The following SAMD5 variants were observed in gnomAD, a reference collection of about 807,000 sequenced individuals.
SAMD5 encodes the protein sterile alpha motif domain-containing protein 5.
A neutral mutation model predicts 11.3 loss-of-function variants in SAMD5; 13 were observed. The observed-to-expected ratio is 1.15, with a 90% CI of 0.75 to 1.83. The LOEUF (loss-of-function observed/expected upper bound fraction) is 1.83, where lower values mean the gene tolerates loss of function less well. Among genes scored for constraint, SAMD5 ranks in the 40% most tolerant of loss-of-function variants. SAMD5 has a pLI of 0.00. For missense variants in SAMD5, 255 were observed against 239.1 expected (o/e 1.07, Z -0.44); for synonymous variants, 129 against 111.3 (o/e 1.16, Z -1.00).
the SAMD5 span, among the ~76,000 whole-genome samples, chr6:147,784,913 T>C: frequency 3.9e-5 from 6 of 152,176 alleles, no homozygotes; most frequent in African/African-American, 1.4e-4. Flanking sequence ...AGTGAAAGCT[T>C]CCTTTTTAAC....
the SAMD5 span, among the ~76,000 whole-genome samples, chr6:147,940,562 C>T: frequency 1.3e-5 from 2 of 152,134 alleles, no homozygotes; most frequent in African/African-American, 2.4e-5. Context: ...CCTGAAAAGT[C>T]TACTAGGAAA....
chr6:147,534,413 C>CTT (rs1246963297), intron 1 of SAMD5, among the ~76,000 whole-genome samples: 2 of 152,164 alleles, frequency 1.3e-5, no homozygotes, highest in Non-Finnish European at 2.9e-5. Flanking sequence ...CACCCAAGGG[C>CTT]TTTACCTTGC....
chr6:147,857,549 G>A, the SAMD5 span, among the ~76,000 whole-genome samples: 3 of 151,878 alleles, frequency 2.0e-5, no homozygotes, highest in East Asian at 5.8e-4. Flanking sequence ...TGACAATGAT[G>A]TACTGTGCAT....
intron 1 of SAMD5, among the ~76,000 whole-genome samples, chr6:147,641,590 A>G (rs1790313378): frequency 6.7e-6 from 1 of 149,384 alleles, no homozygotes; most frequent in African/African-American, 2.5e-5. Context: ...TTTTTGCTCA[A>G]AAGTTTAATG....
At chr6:147,953,514 A>G in the SAMD5 span, 3 of 152,218 alleles carry the variant, frequency 2.0e-5, no homozygotes, top group Non-Finnish European at 4.4e-5. Context: ...TTCCTATTGC[A>G]TCAAACTGAG....
the SAMD5 span, among the ~76,000 whole-genome samples, chr6:147,844,284 C>T: frequency 6.6e-6 from 1 of 151,970 alleles, no homozygotes; most frequent in African/African-American, 2.4e-5. Flanking sequence ...AAATTCAAAC[C>T]ACAATTAAAT....
chr6:147,862,307 G>C, the SAMD5 span, among the ~76,000 whole-genome samples: 1 of 152,262 alleles, frequency 6.6e-6, no homozygotes, highest in African/African-American at 2.4e-5. Flanking sequence ...TCATGCTGCT[G>C]TTCCCTTACT....
intron 1 of SAMD5, among the ~76,000 whole-genome samples, chr6:147,687,924 A>AC (rs1293611419): frequency 1.3e-5 from 2 of 152,108 alleles, no homozygotes; most frequent in African/African-American, 2.4e-5. Flanking sequence ...AATTCACTGA[A>AC]CTTGGAACTG....
the SAMD5 span, among the ~76,000 whole-genome samples, chr6:147,939,851 T>C: frequency 6.6e-6 from 1 of 152,008 alleles, no homozygotes; most frequent in Non-Finnish European, 1.5e-5. Context: ...TTGTTTCAAA[T>C]GAAGTTCTAT....
At chr6:147,622,608 G>A (rs1038147999) in intron 1 of SAMD5, among the ~76,000 whole-genome samples, 4 of 152,284 alleles carry the variant, frequency 2.6e-5, no homozygotes, top group Middle Eastern at 3.4e-3. Flanking sequence ...AGCCCACCAG[G>A]AACTATTTCC....
the SAMD5 span, among the ~76,000 whole-genome samples, chr6:147,868,323 T>C: frequency 6.6e-6 from 1 of 152,214 alleles, no homozygotes; most frequent in Non-Finnish European, 1.5e-5. Flanking sequence ...AATCTTCCAA[T>C]AGGTCTTTAA....
downstream of SAMD5, among the ~76,000 whole-genome samples, chr6:147,573,531 G>A (rs1789169549): frequency 2.0e-5 from 3 of 152,192 alleles, no homozygotes; most frequent in Admixed American, 2.0e-4. Flanking sequence ...ATTACAATTT[G>A]AGAAGAGATT....
At chr6:147,693,616 G>A (rs1440654538) in intron 1 of SAMD5, among the ~76,000 whole-genome samples, 6 of 152,204 alleles carry the variant, frequency 3.9e-5, no homozygotes, top group African/African-American at 7.2e-5. Context: ...TGATGTTTAA[G>A]GATTTCAAGT....
At chr6:147,529,249 C>A (rs1198921639) in intron 1 of SAMD5, among the ~76,000 whole-genome samples, 3 of 152,084 alleles carry the variant, frequency 2.0e-5, no homozygotes, top group Non-Finnish European at 4.4e-5. Flanking sequence ...TTATGTAAAT[C>A]AAATAAGTTT....
the SAMD5 span, among the ~76,000 whole-genome samples, chr6:147,848,246 T>C: frequency 5.3e-5 from 8 of 152,170 alleles, no homozygotes; most frequent in Admixed American, 3.3e-4. Flanking sequence ...AGTTTCCTCA[T>C]CTAGAAAGTG....
chr6:147,585,070 A>G lies in SAMD5; in HGVS notation c.162+75683A>G, dbSNP rs533672248. ...GTTGACTCTATGTGCTTTGTCCCCA[A>G]CCTCCACTCAATGTCTCACCCACTT... On this transcript the variant is annotated intron_variant, in intron 1 of 1. Transcript: ENST00000566741. 3.3e-5 allele frequency among the ~76,000 whole-genome samples: 5 copies of G among 152,042 alleles called. No homozygotes were observed. In the East Asian group the frequency reaches 9.7e-4, roughly 29 times the overall value.
At chr6:147,572,551 C>G (rs920352557), downstream of SAMD5, among the ~76,000 whole-genome samples, 14 of 152,140 alleles carry the variant, frequency 9.2e-5, no homozygotes, top group African/African-American at 3.4e-4. Flanking sequence ...TCGTGGCTCA[C>G]TGCAACCTCA....
At chr6:147,934,913 T>C in the SAMD5 span, among the ~76,000 whole-genome samples, 1 of 152,084 alleles carries the variant, frequency 6.6e-6, no homozygotes, top group East Asian at 1.9e-4. Context: ...CAAACAACCA[T>C]ACAAGGGGGG....
intron 1 of SAMD5, among the ~76,000 whole-genome samples, chr6:147,601,782 G>A (rs573449398): frequency 2.6e-5 from 4 of 152,198 alleles, no homozygotes; most frequent in South Asian, 2.1e-4. Context: ...GTATGTTGCC[G>A]GTCGACCCAT....
Sources: allele counts gnomAD v4.1 joint callset (sites outside exome capture counted in the v4.1 genomes callset), GRCh38; gene constraint gnomAD v4.1.1; transcripts MANE v1.5; gene names NCBI Gene and HGNC (gene_info 2026-07-23, HGNC 2026-07-21).